The following SMAD3 variants were observed in gnomAD, a reference collection of about 807,000 sequenced individuals.
SMAD3 encodes MAD homolog 3.
SMAD3 carries 12 observed loss-of-function variants against 51.8 expected under a neutral mutation model. The observed-to-expected ratio is 0.23, with a 90% CI of 0.15 to 0.38. The LOEUF (loss-of-function observed/expected upper bound fraction) is 0.38. Ranked by LOEUF, SMAD3 falls within the 10% of genes least tolerant of loss-of-function variation. The pLI, the probability that SMAD3 is intolerant of heterozygous loss-of-function variation, is 1.00. For missense variants in SMAD3, 294 were observed against 565.6 expected, an observed-to-expected ratio of 0.52 and a Z score of 4.87; for synonymous variants, 238 against 227.7, an observed-to-expected ratio of 1.05 and a Z score of -0.41.
intron 1 of SMAD3, among the ~76,000 whole-genome samples, chr15:67,129,897 G>A (rs187073344): frequency 6.6e-6 from 1 of 152,268 alleles, no homozygotes; most frequent in East Asian, 1.9e-4. Flanking sequence ...GTGCTGCCAT[G>A]TGGCTGGTGG....
intron 1 of SMAD3, among the ~76,000 whole-genome samples, chr15:67,104,374 A>G (rs748506878): frequency 6.6e-6 from 1 of 152,202 alleles, no homozygotes; most frequent in Non-Finnish European, 1.5e-5. Context: ...TAATCAATGT[A>G]TCTGATTCTA....
intron 1 of SMAD3, among the ~76,000 whole-genome samples, chr15:67,085,752 C>T (rs898410559): frequency 2.0e-5 from 3 of 151,932 alleles, no homozygotes; most frequent in South Asian, 2.1e-4. Context: ...TAGGTGATTC[C>T]GGTATGTGGC....
intron 1 of SMAD3, among the ~76,000 whole-genome samples, chr15:67,110,482 A>G (rs1960988249): frequency 6.6e-6 from 1 of 152,184 alleles, no homozygotes; most frequent in South Asian, 2.1e-4. Context: ...TGCTGACAGC[A>G]CCTTGGTAGT....
rs191781651 is a variant in SMAD3, at chr15:67,122,733, A to G, written c.207-42162A>G. Among the ~76,000 whole-genome samples, 27 of 152,230 alleles carry G rather than the reference A, an allele frequency of 1.8e-4. No individual in the cohort carries two copies. In the East Asian group the frequency reaches 3.5e-3, roughly 20 times the overall value. On this transcript the variant is annotated intron_variant, in intron 1 of 8. Coordinates refer to ENST00000327367, the MANE Select transcript of SMAD3 (RefSeq NM_005902.4). Reference sequence around the variant, plus strand: ...ATGATGTTCCCTGTGGTCCCTATGTAGGGTGGTAAGGAATAGGGCTTTGGG... The same window carrying G: ...ATGATGTTCCCTGTGGTCCCTATGTGGGGTGGTAAGGAATAGGGCTTTGGG...
intron 4 of SMAD3, 55 bp downstream of exon 4, chr15:67,166,908 C>CA: frequency 1.6e-6 from 2 of 1,252,388 alleles, no homozygotes; most frequent in Non-Finnish European, 2.3e-6. Context: ...CTGGTGGGTT[C>CA]ATCCCTTCCA....
chr15:67,127,648 TC>T (rs1416457649), intron 1 of SMAD3, among the ~76,000 whole-genome samples: 1 of 152,252 alleles, frequency 6.6e-6, no homozygotes. Flanking sequence ...TCTCTGGAGT[TC>T]CTGAAGATGA....
intron 1 of SMAD3, among the ~76,000 whole-genome samples, chr15:67,110,377 G>A (rs768066372): frequency 1.3e-5 from 2 of 152,182 alleles, no homozygotes; most frequent in Non-Finnish European, 2.9e-5. Flanking sequence ...AGCCTGTAGC[G>A]GGATATGTCA....
intron 1 of SMAD3, among the ~76,000 whole-genome samples, chr15:67,146,347 A>G (rs1022860344): frequency 1.3e-5 from 2 of 152,216 alleles, no homozygotes; most frequent in Non-Finnish European, 2.9e-5. Flanking sequence ...TCTTTGGAGG[A>G]GCAGAGAGTA....
intron 1 of SMAD3, among the ~76,000 whole-genome samples, chr15:67,098,154 G>A (rs575989971): frequency 6.6e-6 from 1 of 152,266 alleles, no homozygotes; most frequent in South Asian, 2.1e-4. Flanking sequence ...AGCTAACACG[G>A]TGAGTCTTCA....
intron 1 of SMAD3, among the ~76,000 whole-genome samples, chr15:67,073,111 A>G (rs1213548325): frequency 7.0e-6 from 1 of 141,998 alleles, no homozygotes; most frequent in Non-Finnish European, 1.6e-5. Flanking sequence ...TAATTTGTAA[A>G]TACTGTTTTT....
At chr15:67,158,381 G>A (rs1402318621) in intron 1 of SMAD3, among the ~76,000 whole-genome samples, 1 of 152,254 alleles carries the variant, frequency 6.6e-6, no homozygotes, top group Non-Finnish European at 1.5e-5. Context: ...ACCAAGAGGT[G>A]TTGTTGCTGA....
chr15:67,085,705 A>G (rs1482702373), intron 1 of SMAD3, among the ~76,000 whole-genome samples: 1 of 152,154 alleles, frequency 6.6e-6, no homozygotes, highest in African/African-American at 2.4e-5. Context: ...AAATTTCTAC[A>G]GGCCGGCCTG....
intron 1 of SMAD3, among the ~76,000 whole-genome samples, chr15:67,141,794 C>G (rs985215286): frequency 1.3e-5 from 2 of 152,174 alleles, no homozygotes; most frequent in Non-Finnish European, 2.9e-5. Context: ...AGTCTTAAAT[C>G]TGCTCTGGTT....
intron 1 of SMAD3, among the ~76,000 whole-genome samples, chr15:67,086,777 G>T (rs976664413): frequency 2.6e-5 from 4 of 152,142 alleles, no homozygotes; most frequent in Non-Finnish European, 5.9e-5. Flanking sequence ...TGGCCACACA[G>T]TGAGGATCAG....
chr15:67,112,152 TCC>T (rs1961029214), intron 1 of SMAD3, among the ~76,000 whole-genome samples: 1 of 47,220 alleles, frequency 2.1e-5, no homozygotes, highest in Non-Finnish European at 4.1e-5. Flanking sequence ...TTTTTTTCTT[TCC>T]TTTTTTTTTT....
chr15:67,098,152 C>T lies in SMAD3; in HGVS notation c.206+31792C>T, dbSNP rs372393219. ...GTACTGGTGTTAGGAAGAGCTAACA[C>T]GGTGAGTCTTCAGTGTTTCTTTAAG... On this transcript the variant is annotated intron_variant, in intron 1 of 8. Coordinates refer to ENST00000327367, the MANE Select transcript of SMAD3 (RefSeq NM_005902.4). Among the ~76,000 whole-genome samples, 10 of 152,254 alleles carry T rather than the reference C, an allele frequency of 6.6e-5. No homozygotes were observed. In the South Asian group the frequency reaches 8.3e-4, roughly 13 times the overall value.
chr15:67,148,365 T>C (rs1267207161), intron 1 of SMAD3, among the ~76,000 whole-genome samples: 1 of 152,216 alleles, frequency 6.6e-6, no homozygotes, highest in East Asian at 1.9e-4. Flanking sequence ...GTGGGCCATA[T>C]ATCTGTGTGC....
At chr15:67,129,943 C>T (rs1043879988) in intron 1 of SMAD3, among the ~76,000 whole-genome samples, 9 of 152,292 alleles carry the variant, frequency 5.9e-5, no homozygotes, top group South Asian at 4.1e-4. Flanking sequence ...AGGATTTCTT[C>T]GTTAGGTCAG....
intron 8 of SMAD3, among the ~76,000 whole-genome samples, chr15:67,188,144 T>C (rs972319865): frequency 2.1e-5 from 2 of 93,556 alleles, no homozygotes; most frequent in African/African-American, 7.6e-5. Context: ...TTCTTTTTCT[T>C]TTTCTTTTTT....
Sources: gnomAD v4.1 joint callset for allele counts (sites outside exome capture counted in the v4.1 genomes callset) on GRCh38, gnomAD v4.1.1 for gene constraint, MANE v1.5 for transcripts, NCBI Gene and HGNC (gene_info 2026-07-23, HGNC 2026-07-21) for gene names.